CENPF: variants seen among roughly 807,000 people sequenced by gnomAD.
The protein encoded by CENPF is AH antigen.
A neutral mutation model predicts 307.3 loss-of-function variants in CENPF; 214 were observed. That is an observed-to-expected ratio of 0.70 (90% confidence interval 0.62 to 0.78). The LOEUF (loss-of-function observed/expected upper bound fraction) is 0.78. Among genes scored for constraint, CENPF ranks in the 30% least tolerant of loss-of-function variants. CENPF has a pLI of 0.00. For synonymous variants in CENPF, 1,259 were observed against 1,270.6 expected (o/e 0.99, Z 0.19); for missense variants, 3,401 against 3,483.9 (o/e 0.98, Z 0.60).
intron 2 of CENPF, among the ~76,000 whole-genome samples, chr1:214,614,459 C>T (rs1257778003): frequency 6.6e-6 from 1 of 152,116 alleles, no homozygotes; most frequent in Non-Finnish European, 1.5e-5. Flanking sequence ...ACAGTCATTG[C>T]TTCTAAAAGG....
Position 214,646,697 on chromosome 1 carries a change from T to A in CENPF, c.7127T>A (p.Met2376Lys). The A allele has an allele frequency of 6.2e-7, 1 of 1,613,962 alleles. No homozygotes were observed. Among genetic ancestry groups the A allele is most frequent in the Non-Finnish European group, 8.5e-7 (1 of 1,179,982 alleles). Residue 2376 changes from methionine (M) to lysine (K), a missense_variant, in exon 13 of 20, where the codon ATG (methionine) becomes AAG (lysine). Physicochemically the swap from Met to Lys is moderately conservative, Grantham distance 95 (BLOSUM62 -1). Transcript: ENST00000366955. ...ACCCTAAAAGCAAAAATAGAAGGGA[T>A]GACCCAAAGTCTGAGAGGTCTGGAA... ...VETLKAKIEG[M>K]TQSLRGLELD...
intron 1 of CENPF, among the ~76,000 whole-genome samples, chr1:214,610,992 G>A (rs1657184649): frequency 6.6e-6 from 1 of 152,136 alleles, no homozygotes; most frequent in Admixed American, 6.5e-5. Flanking sequence ...GATGGTTGTA[G>A]GTGTGCGGCT....
intron 7 of CENPF, among the ~76,000 whole-genome samples, chr1:214,623,404 C>G (rs1031923504): frequency 2.0e-5 from 3 of 152,118 alleles, no homozygotes; most frequent in African/African-American, 7.2e-5. Context: ...CATTTTATAT[C>G]AGGGACTTGA....
At chr1:214,608,372 G>T (rs1054079115) in intron 1 of CENPF, 5 of 1,612,982 alleles carry the variant, frequency 3.1e-6, no homozygotes, top group Non-Finnish European at 4.2e-6. Context: ...CTCTCGGAAG[G>T]CCTACCCGAG....
chr1:214,632,095 A>T (rs1272056983), intron 9 of CENPF, among the ~76,000 whole-genome samples: 1 of 152,158 alleles, frequency 6.6e-6, no homozygotes, highest in Non-Finnish European at 1.5e-5. Context: ...AGCGCTGTAT[A>T]TGTTGTATTA....
intron 7 of CENPF, among the ~76,000 whole-genome samples, chr1:214,623,027 A>G (rs1325068726): frequency 6.6e-6 from 1 of 152,186 alleles, no homozygotes; most frequent in Non-Finnish European, 1.5e-5. Flanking sequence ...GCTAGCCCAC[A>G]TGACAAAACC....
chr1:214,648,483 G>A (rs761679150), intron 13 of CENPF, 192 bp from the exon 14 acceptor site: 4 of 748,234 alleles, frequency 5.3e-6, no homozygotes, highest in Admixed American at 1.7e-5. Context: ...AATCTTTTCT[G>A]GGAAGAAAAG....
rs1258099152 is a variant in CENPF, at chr1:214,642,309, C to A, written c.3971C>A (p.Ser1324Ter). The change falls in exon 12 of 20, where the codon TCA (serine) becomes TAA (stop). Residue 1324 changes from serine to a stop codon, truncating the protein, a stop_gained. Transcript: ENST00000366955. LOFTEE classifies it high-confidence loss of function. ...KYELVTELND[S>*]RSECITATRK... ...GAACTCGTAACTGAGCTGAATGATT[C>A]AAGGTCAGAATGTATCACAGCAACT... 6.2e-7 allele frequency: 1 copy of A among 1,613,612 alleles called. No individual in the cohort carries two copies. Among genetic ancestry groups the A allele is most frequent in the South Asian group, 1.1e-5 (1 of 90,910 alleles).
At chr1:214,638,581 C>A (rs954642950) in intron 11 of CENPF, among the ~76,000 whole-genome samples, 1 of 152,216 alleles carries the variant, frequency 6.6e-6, no homozygotes, top group African/African-American at 2.4e-5. Context: ...TTTATTTTCT[C>A]ACCTGGGGTG....
intron 15 of CENPF, among the ~76,000 whole-genome samples, chr1:214,652,375 GAAT>G (rs1028377327): frequency 5.9e-5 from 9 of 151,490 alleles, no homozygotes; most frequent in Admixed American, 4.6e-4. Flanking sequence ...TTTTGGAGTA[GAAT>G]AATAGGAGAG....
In CENPF at chr1:214,655,380, C is replaced by G; in HGVS notation, c.8462C>G (p.Ala2821Gly). 1 of 1,603,772 alleles carries G rather than the reference C, an allele frequency of 6.2e-7. No individual in the cohort carries two copies. Among genetic ancestry groups the G allele is most frequent in the Non-Finnish European group, 8.5e-7 (1 of 1,176,060 alleles). ...ILQKELSQLQ[A>G]AQEKQKTGTV... is the part of the protein sequence containing the mutation. ...CAGAAAGAACTCTCTCAACTTCAAG[C>G]TGCACAGGAGAAGCAGAAAACAGGT... is the stretch of plus-strand genomic sequence containing the variant. The change falls in exon 17 of 20, where the codon GCT becomes GGT. Residue 2821 changes from alanine (A) to glycine (G), a missense_variant. Transcript: ENST00000366955.
At chr1:214,607,366 G>T (rs1657064665) in intron 1 of CENPF, among the ~76,000 whole-genome samples, 1 of 152,220 alleles carries the variant, frequency 6.6e-6, no homozygotes, top group Non-Finnish European at 1.5e-5. Flanking sequence ...GCCATGGCGG[G>T]TGTGACTCTG....
At chr1:214,650,738 C>CA (rs142893135) in intron 14 of CENPF, among the ~76,000 whole-genome samples, 8,657 of 151,834 alleles carry the variant, frequency 0.057, 794 homozygotes, top group African/African-American at 0.2. Context: ...TCTGTTTCTA[C>CA]AAAAAAACAG....
chr1:214,636,750 T>G (rs561297502), intron 10 of CENPF, among the ~76,000 whole-genome samples: 29 of 152,332 alleles, frequency 1.9e-4, no homozygotes, highest in Middle Eastern at 6.8e-3. Flanking sequence ...TCTTTAAGAT[T>G]CAGAATTTTT....
chr1:214,641,002 A>C lies in CENPF; in HGVS notation c.2664A>C (p.Leu888Phe). 6.3e-7 allele frequency: 1 copy of C among 1,582,270 alleles called. No individual in the cohort carries two copies. Among genetic ancestry groups the C allele is most frequent in the Non-Finnish European group, 8.5e-7 (1 of 1,170,126 alleles). Residue 888 changes from leucine to phenylalanine, a missense_variant, in exon 12 of 20, where the codon TTA becomes TTC. By Grantham distance (22) the Leu-to-Phe change is conservative. Coordinates refer to ENST00000366955, the MANE Select transcript of CENPF (RefSeq NM_016343.4). ...AAACAAGTCAGCGCATTAGTAAGTT[A>C]CAGGAAGACACTTCTGCTCACCAGA... ...VAETSQRISK[L>F]QEDTSAHQNV...
chr1:214,639,234 T>C (rs1228182861), intron 11 of CENPF, among the ~76,000 whole-genome samples: 1 of 152,162 alleles, frequency 6.6e-6, no homozygotes, highest in African/African-American at 2.4e-5. Flanking sequence ...GGGGCCAGTA[T>C]GTATAGATGA....
rs780451946 is a variant in CENPF at position 214,622,103 on chromosome 1, T to C, written c.890T>C (p.Leu297Ser). The C allele has an allele frequency of 6.2e-6, 10 of 1,613,924 alleles. No individual in the cohort carries two copies. The highest frequency in any genetic ancestry group is 8.5e-6 in the Non-Finnish European group (10 of 1,179,948). ...GAGCTAAGAAACAAGATTAATGAGT[T>C]GGAACTACGCCTGCAAGGACATGAA... is the stretch of plus-strand genomic sequence containing the variant. ...NQELRNKINE[L>S]ELRLQGHEKE... Residue 297 changes from leucine to serine, a missense_variant, in exon 7 of 20, where the codon TTG (leucine) becomes TCG (serine). Transcript: ENST00000366955.
intron 8 of CENPF, 107 bp downstream of exon 8, chr1:214,629,278 C>A: frequency 9.1e-7 from 1 of 1,103,826 alleles, no homozygotes; most frequent in Non-Finnish European, 1.3e-6. Flanking sequence ...GGGAAATTCT[C>A]TTAGAGGAGA....
In CENPF at chr1:214,642,434, G is replaced by C. The variant is rs770371423; in HGVS notation, c.4096G>C (p.Gly1366Arg). 1.3e-6 allele frequency: 2 copies of C among 1,596,458 alleles called. No individual in the cohort carries two copies. The highest frequency in any genetic ancestry group is 1.3e-5 in the African/African-American group (1 of 74,428). Residue 1366 changes from glycine to arginine, a missense_variant, in exon 12 of 20, where the codon GGA (glycine) becomes CGA (arginine). Transcript: ENST00000366955. The part of the protein sequence containing the change: ...LHGELVEDIP[G>R]GEFGEQPNEQ... ...TGGTGAGTTAGTGGAAGACATACCA[G>C]GAGGTGAATTTGGTGAACAACCAAA...
Sources: allele counts gnomAD v4.1 joint callset (sites outside exome capture counted in the v4.1 genomes callset), GRCh38; gene constraint gnomAD v4.1.1; transcripts MANE v1.5; gene names NCBI Gene and HGNC (gene_info 2026-07-23, HGNC 2026-07-21).